VPS13B: variants seen among roughly 807,000 people sequenced by gnomAD.
VPS13B encodes the protein intermembrane lipid transfer protein VPS13B.
Under a neutral mutation model 426.4 loss-of-function variants are expected in VPS13B, and 285 were observed. The observed-to-expected ratio is 0.67, with a 90% CI of 0.61 to 0.74. VPS13B has a LOEUF of 0.74. VPS13B is among the 30% of genes least tolerant of loss of function. The probability of loss-of-function intolerance (pLI) is 0.00; values close to 1 mark genes in which losing one functional copy is unlikely to be tolerated. For missense variants in VPS13B, 4,537 were observed against 4,782.6 expected (o/e 0.95, Z 1.51); for synonymous variants, 1,676 against 1,676.4 (o/e 1.00, Z 0.01).
intron 14 of VPS13B, among the ~76,000 whole-genome samples, chr8:99,155,866 A>G (rs1811333099): frequency 6.6e-6 from 1 of 152,204 alleles, no homozygotes; most frequent in African/African-American, 2.4e-5. Flanking sequence ...AACCACAGGT[A>G]GAGCATTTTA....
intron 8 of VPS13B, among the ~76,000 whole-genome samples, chr8:99,126,785 A>G (rs896645549): frequency 3.9e-5 from 6 of 152,166 alleles, no homozygotes; most frequent in African/African-American, 1.4e-4. Flanking sequence ...TCTTTGGGAT[A>G]TGCTTCTTTT....
chr8:99,583,752 A>C (rs1226133265), intron 33 of VPS13B, among the ~76,000 whole-genome samples: 1 of 152,186 alleles, frequency 6.6e-6, no homozygotes, highest in Non-Finnish European at 1.5e-5. Flanking sequence ...ATAGAATTTC[A>C]GGTAAGATGA....
At chr8:99,139,150 T>C (rs1810246644) in intron 12 of VPS13B, among the ~76,000 whole-genome samples, 2 of 152,210 alleles carry the variant, frequency 1.3e-5, no homozygotes, top group Admixed American at 6.5e-5. Flanking sequence ...AACACCTGTG[T>C]ATTCTCCACG....
chr8:99,318,550 C>T (rs543505511), intron 19 of VPS13B, among the ~76,000 whole-genome samples: 5 of 152,022 alleles, frequency 3.3e-5, no homozygotes, highest in Non-Finnish European at 5.9e-5. Context: ...GATGGAGTCT[C>T]GCTCTGTTAC....
chr8:99,540,373 C>T (rs1368448679), intron 30 of VPS13B, among the ~76,000 whole-genome samples: 1 of 151,776 alleles, frequency 6.6e-6, no homozygotes, highest in Admixed American at 6.6e-5. Context: ...AGCTACTGCG[C>T]CCGGCCTAAG....
chr8:99,461,971 A>T (rs1368505342), intron 23 of VPS13B, among the ~76,000 whole-genome samples: 4 of 152,182 alleles, frequency 2.6e-5, no homozygotes, highest in East Asian at 1.9e-4. Context: ...ATGAGGTCAC[A>T]TAATTTTAGC....
At chr8:99,435,343 TGTG>T (rs1444322534) in intron 22 of VPS13B, among the ~76,000 whole-genome samples, 2 of 152,192 alleles carry the variant, frequency 1.3e-5, no homozygotes, top group Non-Finnish European at 2.9e-5. Flanking sequence ...GATTGAATAA[TGTG>T]GTATAATTAT....
intron 61 of VPS13B, among the ~76,000 whole-genome samples, chr8:99,873,017 T>G (rs1245010997): frequency 6.6e-6 from 1 of 152,208 alleles, no homozygotes; most frequent in African/African-American, 2.4e-5. Context: ...CCAGGCTGAC[T>G]TTATTAGATC....
chr8:99,619,889 A>G (rs200340495), intron 33 of VPS13B, among the ~76,000 whole-genome samples: 119 of 98,770 alleles, frequency 1.2e-3, no homozygotes, highest in South Asian at 7.6e-3. Context: ...TGATGATGAT[A>G]ATAATAATAA....
At chr8:99,846,699 C>T (rs897766304) in intron 54 of VPS13B, among the ~76,000 whole-genome samples, 4 of 152,100 alleles carry the variant, frequency 2.6e-5, no homozygotes, top group Admixed American at 1.3e-4. Flanking sequence ...GAAGAAGTAC[C>T]GTGAAAGTTC....
intron 14 of VPS13B, among the ~76,000 whole-genome samples, chr8:99,156,311 T>A (rs1487882803): frequency 6.6e-6 from 1 of 152,212 alleles, no homozygotes; most frequent in Non-Finnish European, 1.5e-5. Flanking sequence ...AAGCTTGAGC[T>A]GAAAGGGCAA....
intron 25 of VPS13B, among the ~76,000 whole-genome samples, chr8:99,493,780 T>TAAAAAAAAAAAAAAAAAAAAAAAAAAA (rs376555643): frequency 1.5e-4 from 9 of 61,080 alleles, no homozygotes; most frequent in South Asian, 1.1e-3. Flanking sequence ...AGACTCTATC[T>TAAAAAAAAAAAAAAAAAAAAAAAAAAA]AAAAAAAAAA....
At chr8:99,585,424 T>C (rs988305195) in intron 33 of VPS13B, among the ~76,000 whole-genome samples, 11 of 152,136 alleles carry the variant, frequency 7.2e-5, no homozygotes, top group African/African-American at 2.4e-4. Context: ...AGAATATGGA[T>C]GCAACAATCC....
chr8:99,242,369 A>G (rs1288413101), intron 17 of VPS13B, among the ~76,000 whole-genome samples: 1 of 152,366 alleles, frequency 6.6e-6, no homozygotes, highest in Non-Finnish European at 1.5e-5. Flanking sequence ...TTTGAAATAT[A>G]TGTATAAATT....
chr8:99,804,491 G>C (rs1249419976), intron 43 of VPS13B: 3 of 152,186 alleles, frequency 2.0e-5, no homozygotes, highest in Non-Finnish European at 2.9e-5. Flanking sequence ...GGACTGAATT[G>C]GGGACGGAGT....
At chr8:99,484,679 A>T (rs1004196197) in intron 25 of VPS13B, among the ~76,000 whole-genome samples, 6 of 152,110 alleles carry the variant, frequency 3.9e-5, no homozygotes, top group African/African-American at 1.4e-4. Context: ...CACATAGTTA[A>T]TCTTAATCTA....
At chr8:99,776,643 A>G in intron 40 of VPS13B, 132 bp from the exon 41 acceptor site, 1 of 886,564 alleles carries the variant, frequency 1.1e-6, no homozygotes, top group Non-Finnish European at 1.8e-6. Context: ...AGGAAAATAC[A>G]GAAGATTTGA....
rs538035522 is a variant in VPS13B at position 99,175,646 on chromosome 8, G to A, written c.2333+5483G>A. On this transcript the variant is annotated intron_variant, in intron 16 of 61. Coordinates refer to ENST00000357162, the MANE Select transcript of VPS13B (RefSeq NM_152564.5). ...GTGGCATGTGCCTATAGTCTCAGCT[G>A]TTTAGGAGGCTGAGGTGGGAGGATC... Among the ~76,000 whole-genome samples the A allele has an allele frequency of 2.4e-4, 37 of 152,182 alleles. No homozygotes were observed. The East Asian group carries it at 6.8e-3, about 28-fold the overall frequency.
At chr8:99,557,142 A>G (rs776700651) in intron 31 of VPS13B, among the ~76,000 whole-genome samples, 1 of 151,800 alleles carries the variant, frequency 6.6e-6, no homozygotes, top group South Asian at 2.1e-4. Context: ...ATCTTTTTAA[A>G]TTTTTTTTAT....
Sources: gnomAD v4.1 joint callset for allele counts (sites outside exome capture counted in the v4.1 genomes callset) on GRCh38, gnomAD v4.1.1 for gene constraint, MANE v1.5 for transcripts, NCBI Gene and HGNC (gene_info 2026-07-23, HGNC 2026-07-21) for gene names.